RGS7: variants seen among roughly 807,000 people sequenced by gnomAD.
RGS7 encodes regulator of G-protein signaling 7.
RGS7 carries 27 observed loss-of-function variants against 81.1 expected under a neutral mutation model. The ratio of observed to expected loss-of-function variants is 0.33; its 90% confidence interval spans 0.25 to 0.46. RGS7 has a LOEUF of 0.46. Ranked by LOEUF, RGS7 falls within the 20% of genes least tolerant of loss-of-function variation. The pLI is 1.00. For synonymous variants in RGS7, 208 were observed against 207.7 expected, an observed-to-expected ratio of 1.00 and a Z score of -0.01; for missense variants, 396 against 607.4, an observed-to-expected ratio of 0.65 and a Z score of 3.66.
intron 2 of RGS7, among the ~76,000 whole-genome samples, chr1:241,168,435 C>T (rs4628498): frequency 0.11 from 16,766 of 152,142 alleles, 1,036 homozygotes; most frequent in East Asian, 0.24. Flanking sequence ...ATATGCATGG[C>T]AGATACTCAC....
chr1:241,283,988 CT>C (rs2078663157), intron 2 of RGS7, among the ~76,000 whole-genome samples: 1 of 151,986 alleles, frequency 6.6e-6, no homozygotes, highest in Non-Finnish European at 1.5e-5. Flanking sequence ...CCTTATATTT[CT>C]TTGATAAGAC....
intron 2 of RGS7, among the ~76,000 whole-genome samples, chr1:241,241,688 C>T (rs1490286247): frequency 1.3e-5 from 2 of 152,066 alleles, no homozygotes; most frequent in Admixed American, 1.3e-4. Context: ...CATGGGAGAT[C>T]CCGACACTCC....
At chr1:241,243,806 T>G (rs905669621) in intron 2 of RGS7, among the ~76,000 whole-genome samples, 2 of 152,178 alleles carry the variant, frequency 1.3e-5, no homozygotes, top group South Asian at 4.1e-4. Context: ...AACCTAGTCA[T>G]CCTGGAGCAT....
chr1:240,936,041 A>G lies in RGS7; in HGVS notation c.333+559T>C, dbSNP rs550496442. The stretch of plus-strand genomic sequence containing the variant: ...GAGTCCACAATCATTGCCAGAAAGA[A>G]TAATAGCATCTGTGTCATTTGCAAA... On this transcript the variant is annotated intron_variant, in intron 5 of 18. Coordinates refer to ENST00000440928, the MANE Select transcript of RGS7 (RefSeq NM_001364886.1). 5.3e-5 allele frequency among the ~76,000 whole-genome samples: 8 copies of G among 152,360 alleles called. No homozygotes were observed. The East Asian group carries it at 1.5e-3, about 29-fold the overall frequency.
chr1:241,240,247 G>T lies in RGS7; in HGVS notation c.78+115452C>A, dbSNP rs531734103. On this transcript the variant is annotated intron_variant, in intron 2 of 18. Transcript: ENST00000440928. ...GACACTGACACAGGCAAGTCCCTCG[G>T]TGGGCACCCAGGCAGAATGAGAAGC... Among the ~76,000 whole-genome samples, 4 of 152,296 alleles carry T rather than the reference G, an allele frequency of 2.6e-5. No individual in the cohort carries two copies. The East Asian group carries it at 7.7e-4, about 29-fold the overall frequency.
intron 5 of RGS7, among the ~76,000 whole-genome samples, chr1:240,932,944 C>A (rs754298982): frequency 2.7e-5 from 3 of 113,146 alleles, no homozygotes; most frequent in Non-Finnish European, 5.1e-5. Context: ...ACTGCAGTGG[C>A]GCGATCTCGG....
chr1:241,070,940 T>C (rs1558673305), intron 3 of RGS7, among the ~76,000 whole-genome samples: 3 of 152,218 alleles, frequency 2.0e-5, no homozygotes, highest in Non-Finnish European at 4.4e-5. Context: ...GGATTTCTAA[T>C]ACCAGCAAGC....
intron 2 of RGS7, among the ~76,000 whole-genome samples, chr1:241,307,813 A>AG (rs1382575461): frequency 5.3e-5 from 8 of 152,058 alleles, no homozygotes; most frequent in African/African-American, 1.9e-4. Flanking sequence ...TGAATGAATG[A>AG]ATGAGATGTC....
intron 4 of RGS7, among the ~76,000 whole-genome samples, chr1:240,973,896 T>C (rs950722145): frequency 6.6e-6 from 1 of 152,220 alleles, no homozygotes; most frequent in Admixed American, 6.5e-5. Flanking sequence ...ATTCTTTACT[T>C]TCTCAGTTCT....
intron 9 of RGS7, among the ~76,000 whole-genome samples, chr1:240,859,025 C>T (rs1392869137): frequency 1.3e-5 from 2 of 152,160 alleles, no homozygotes; most frequent in Admixed American, 6.5e-5. Context: ...GAGGTAGCCA[C>T]TCTGCTATTT....
chr1:240,910,239 A>G (rs1364381595), intron 6 of RGS7, among the ~76,000 whole-genome samples: 2 of 152,210 alleles, frequency 1.3e-5, no homozygotes, highest in African/African-American at 4.8e-5. Context: ...TACTCCAACC[A>G]TCAAAGTTCT....
intron 6 of RGS7, among the ~76,000 whole-genome samples, chr1:240,897,291 T>G (rs1176949080): frequency 6.6e-6 from 1 of 152,218 alleles, no homozygotes; most frequent in African/African-American, 2.4e-5. Flanking sequence ...CCTGCCTGAG[T>G]GCCCTAGCCA....
chr1:241,128,474 C>T (rs1261711597), intron 2 of RGS7, among the ~76,000 whole-genome samples: 1 of 150,360 alleles, frequency 6.7e-6, no homozygotes, highest in Non-Finnish European at 1.5e-5. Context: ...GTAGTCCTAG[C>T]TACCAGGGAG....
chr1:241,236,232 T>C (rs4378194), intron 2 of RGS7, among the ~76,000 whole-genome samples: 69,477 of 149,882 alleles, frequency 0.46, 16,299 homozygotes, highest in African/African-American at 0.49. Flanking sequence ...GATGAGTACA[T>C]ACATGTAAGC....
intron 2 of RGS7, among the ~76,000 whole-genome samples, chr1:241,267,956 T>C (rs1232554665): frequency 6.6e-6 from 1 of 152,206 alleles, no homozygotes; most frequent in Non-Finnish European, 1.5e-5. Flanking sequence ...TTAGAGGTTG[T>C]TCTAAAATGT....
intron 2 of RGS7, among the ~76,000 whole-genome samples, chr1:241,220,970 G>GAAGAAAGAAAGAAAGAGAGAGAGA (rs1558202778): frequency 9.7e-5 from 9 of 93,048 alleles, no homozygotes; most frequent in African/African-American, 3.3e-4. Flanking sequence ...AGGAAGGAAG[G>GAAGAAAGAAAGAAAGAGAGAGAGA]AAGGAAGGAA....
intron 2 of RGS7, among the ~76,000 whole-genome samples, chr1:241,143,253 A>G (rs2068061248): frequency 6.6e-6 from 1 of 152,266 alleles, no homozygotes; most frequent in Admixed American, 6.5e-5. Flanking sequence ...TTCCAAAGTC[A>G]TTTCCACATG....
intron 4 of RGS7, among the ~76,000 whole-genome samples, chr1:240,953,142 T>C (rs1248389684): frequency 1.3e-5 from 2 of 151,888 alleles, no homozygotes; most frequent in Non-Finnish European, 3.0e-5. Flanking sequence ...AACACCACTT[T>C]TTCATTAATT....
At chr1:241,022,259 T>C (rs1053612670) in intron 3 of RGS7, among the ~76,000 whole-genome samples, 3 of 152,234 alleles carry the variant, frequency 2.0e-5, no homozygotes, top group African/African-American at 7.2e-5. Context: ...GTCTTGCTTT[T>C]AACCTCCAAG....
Sources: allele counts gnomAD v4.1 joint callset (sites outside exome capture counted in the v4.1 genomes callset), GRCh38; gene constraint gnomAD v4.1.1; transcripts MANE v1.5; gene names NCBI Gene and HGNC (gene_info 2026-07-23, HGNC 2026-07-21).